Variants in GPR83 observed in about 807,000 individuals in gnomAD.
GPR83 encodes the protein G-protein coupled receptor 72.
In GPR83, 23 loss-of-function variants were observed where a neutral mutation model predicts 28.0. That is an observed-to-expected ratio of 0.82 (90% CI 0.59 to 1.16). The LOEUF is 1.16. Among genes scored for constraint, GPR83 ranks in the 50% most tolerant of loss-of-function variants. GPR83 has a pLI of 0.00. For synonymous variants in GPR83, 234 were observed against 215.4 expected (o/e 1.09, Z -0.76); for missense variants, 610 against 536.6 (o/e 1.14, Z -1.35).
intron 3 of GPR83, among the ~76,000 whole-genome samples, chr11:94,391,862 T>C (rs978827279): frequency 1.3e-5 from 2 of 152,232 alleles, no homozygotes; most frequent in Non-Finnish European, 2.9e-5. Context: ...GGAATGCTTT[T>C]ACACTGTTGG....
chr11:94,396,908 G>C (rs1283675892), intron 1 of GPR83, among the ~76,000 whole-genome samples: 1 of 150,178 alleles, frequency 6.7e-6, no homozygotes, highest in African/African-American at 2.4e-5. Context: ...CTTCCTTATA[G>C]GCTTAGTATA....
In GPR83 at chr11:94,393,501, A is replaced by T; in HGVS notation, c.631T>A (p.Phe211Ile). 1 of 1,614,122 alleles carries T rather than the reference A, an allele frequency of 6.2e-7. No homozygotes were observed. Among genetic ancestry groups the T allele is most frequent in the Non-Finnish European group, 8.5e-7 (1 of 1,179,982 alleles). ...SLPHAICQKL[F>I]TFKYSEDIVR... Reference sequence around the variant, plus strand: ...TCATCTCACCTGTATTTGAAGGTAAATAATTTCTGGCAGATAGCATGTGGG... The same window carrying T: ...TCATCTCACCTGTATTTGAAGGTAATTAATTTCTGGCAGATAGCATGTGGG... The change falls in exon 3 of 4, where the codon TTT becomes ATT. Residue 211 changes from phenylalanine to isoleucine, a missense_variant. Physicochemically the swap from Phe to Ile is conservative, Grantham distance 21 (BLOSUM62 0). Transcript: ENST00000243673.
rs1270783064 is a variant in GPR83, at chr11:94,378,122, A to G, written c.*2027T>C. 3 of 151,960 alleles carry G rather than the reference A, an allele frequency of 2.0e-5. No individual in the cohort carries two copies. The highest frequency in any genetic ancestry group is 4.4e-5 in the Non-Finnish European group (3 of 68,010). 9.4% of individuals were successfully genotyped at this position (151,960 alleles called of 1,614,324 possible). ...CTGGGGATCCCTGTGGGCTTAGAAG[A>G]CTCTGTCTGCCCAATGAAAGTCATG... is the stretch of plus-strand genomic sequence containing the variant. On this transcript the variant is annotated 3_prime_UTR_variant, in exon 4 of 4. Transcript: ENST00000243673.
chr11:94,396,426 C>T lies in GPR83; in HGVS notation c.486G>A (p.Leu162=). The change falls in exon 2 of 4, where the codon CTG becomes CTA. Residue 162 remains leucine (L), a synonymous_variant. Transcript: ENST00000243673. ...YCSLHVSALT[L]TAIAVDRHQV... ...GGTGGCGATCCACCGCAATGGCTGTCAGTGTCAGTGCTGAGACGTGCAGTG... is the reference window on the plus strand; with the variant it reads ...GGTGGCGATCCACCGCAATGGCTGTTAGTGTCAGTGCTGAGACGTGCAGTG... 1 of 1,613,928 alleles carries T rather than the reference C, an allele frequency of 6.2e-7. No homozygotes were observed. The highest frequency in any genetic ancestry group is 8.5e-7 in the Non-Finnish European group (1 of 1,179,836).
chr11:94,396,152 G>A (rs370343779), intron 2 of GPR83, among the ~76,000 whole-genome samples: 3 of 152,288 alleles, frequency 2.0e-5, no homozygotes, highest in South Asian at 2.1e-4. Context: ...CCCAGGAGGC[G>A]GAGGTTGCAG....
intron 1 of GPR83, among the ~76,000 whole-genome samples, chr11:94,399,440 G>A (rs1003556479): frequency 1.3e-5 from 2 of 152,198 alleles, no homozygotes; most frequent in Non-Finnish European, 2.9e-5. Context: ...ATTTGAGTTA[G>A]GGGATGGAAT....
In GPR83 at chr11:94,381,558, A is replaced by T. The variant is rs7932619; in HGVS notation, c.648-785T>A. Among the ~76,000 whole-genome samples, 743 of 148,160 alleles carry T rather than the reference A, an allele frequency of 5.0e-3. 5 individuals carry two copies. Among genetic ancestry groups the T allele is most frequent in the African/African-American group, 0.016 (639 of 40,264 alleles). The stretch of plus-strand genomic sequence containing the variant: ...CCTGCTTTTGTCACAGGAGTGAGTG[A>T]GTGTGTGTGTGTGTGTGTGTGCGCG... On this transcript the variant is annotated intron_variant, in intron 3 of 3. Transcript: ENST00000243673.
At chr11:94,400,790 G>T (rs1224601209) in intron 1 of GPR83, 71 bp downstream of exon 1, 2 of 1,432,278 alleles carry the variant, frequency 1.4e-6, no homozygotes, top group Non-Finnish European at 1.9e-6. Flanking sequence ...ACGGCAGAGG[G>T]AGGCCAGAGA....
chr11:94,396,298 A>G (rs1331355376), intron 2 of GPR83, 101 bp downstream of exon 2: 1 of 1,094,488 alleles, frequency 9.1e-7, no homozygotes, highest in Non-Finnish European at 1.4e-6. Context: ...AAACACACTC[A>G]TTGAAAACTG....
At chr11:94,394,543 G>C (rs1054787724) in intron 2 of GPR83, among the ~76,000 whole-genome samples, 2 of 152,182 alleles carry the variant, frequency 1.3e-5, no homozygotes, top group Non-Finnish European at 2.9e-5. Context: ...GGTTAGTCCA[G>C]GGTTGGGGGA....
At chr11:94,385,992 T>C (rs538790035) in intron 3 of GPR83, among the ~76,000 whole-genome samples, 2 of 152,282 alleles carry the variant, frequency 1.3e-5, no homozygotes, top group East Asian at 1.9e-4. Flanking sequence ...AGACTAACAG[T>C]GGATCTCTTG....
intron 1 of GPR83, among the ~76,000 whole-genome samples, chr11:94,399,443 G>A (rs1944892601): frequency 1.3e-5 from 2 of 152,194 alleles, no homozygotes; most frequent in African/African-American, 4.8e-5. Context: ...TGAGTTAGGG[G>A]ATGGAATTCT....
chr11:94,401,325 GT>G lies in GPR83; in HGVS notation c.-79del. 4 of 1,405,926 alleles carry G rather than the reference GT, an allele frequency of 2.8e-6. No homozygotes were observed. The highest frequency in any genetic ancestry group is 2.8e-6 in the Non-Finnish European group (3 of 1,059,536). 87.1% of individuals were successfully genotyped at this position (1,405,926 alleles called of 1,614,324 possible). The stretch of plus-strand genomic sequence containing the variant: ...GCTGGGATCGGAGCGCGCAGCCGGG[GT>G]GCGGGGCGCACAGCATACAAGGCCG... On this transcript the variant is annotated 5_prime_UTR_variant, in exon 1 of 4. Transcript: ENST00000243673.
chr11:94,378,641 C>T lies in GPR83; in HGVS notation c.*1508G>A, dbSNP rs576855936. On this transcript the variant is annotated 3_prime_UTR_variant, in exon 4 of 4. Transcript: ENST00000243673. ...TGAACCACCAAAATGATGTTGACAG[C>T]GAATCTCCTTTTGAGAAATGGTGTG... 1 of 152,588 alleles carries T rather than the reference C, an allele frequency of 6.6e-6. No individual in the cohort carries two copies. 9.5% of individuals were successfully genotyped at this position (152,588 alleles called of 1,614,324 possible).
intron 3 of GPR83, among the ~76,000 whole-genome samples, chr11:94,381,314 G>A (rs1267843573): frequency 6.6e-6 from 1 of 152,096 alleles, no homozygotes; most frequent in African/African-American, 2.4e-5. Flanking sequence ...GTGGCTTGGT[G>A]CTCTAGTTCT....
chr11:94,399,612 A>C (rs1944893458), intron 1 of GPR83, among the ~76,000 whole-genome samples: 3 of 152,224 alleles, frequency 2.0e-5, no homozygotes, highest in Admixed American at 2.0e-4. Context: ...ATTTGGAAGG[A>C]TGTTCACACA....
chr11:94,383,371 C>T (rs1350791384), intron 3 of GPR83, among the ~76,000 whole-genome samples: 2 of 152,028 alleles, frequency 1.3e-5, no homozygotes, highest in Non-Finnish European at 2.9e-5. Context: ...TAAGTGCCCA[C>T]AAGAGAAAGC....
At chr11:94,382,343 C>CAAAAAAAAA (rs57302833) in intron 3 of GPR83, among the ~76,000 whole-genome samples, 1 of 67,310 alleles carries the variant, frequency 1.5e-5, no homozygotes, top group Non-Finnish European at 2.6e-5. Flanking sequence ...AACACCATCT[C>CAAAAAAAAA]AAAAAAAAAA....
chr11:94,386,439 G>A (rs546427310), intron 3 of GPR83, among the ~76,000 whole-genome samples: 1 of 152,128 alleles, frequency 6.6e-6, no homozygotes, highest in African/African-American at 2.4e-5. Context: ...TCAGTGTGCT[G>A]TATTCAGGAA....
Sources: gnomAD v4.1 joint callset for allele counts (sites outside exome capture counted in the v4.1 genomes callset) on GRCh38, gnomAD v4.1.1 for gene constraint, MANE v1.5 for transcripts, NCBI Gene and HGNC (gene_info 2026-07-23, HGNC 2026-07-21) for gene names.